The following MBNL1 variants were observed in gnomAD, a reference collection of about 807,000 sequenced individuals.
MBNL1 encodes the protein muscleblind-like protein 1.
MBNL1 carries 8 observed loss-of-function variants against 42.2 expected under a neutral mutation model. That is an observed-to-expected ratio of 0.19 (90% CI 0.11 to 0.34). The LOEUF (loss-of-function observed/expected upper bound fraction) is 0.34, where lower values mean the gene tolerates loss of function less well. Among genes scored for constraint, MBNL1 ranks in the 10% least tolerant of loss-of-function variants. The probability of loss-of-function intolerance (pLI) is 1.00; values close to 1 mark genes in which losing one functional copy is unlikely to be tolerated. For missense variants in MBNL1, 309 were observed against 495.3 expected (o/e 0.62, Z 3.57); for synonymous variants, 169 against 173.9 (o/e 0.97, Z 0.22).
At position 152,247,095 on chromosome 3, in the gene MBNL1, T is replaced by C. The variant is rs1239205739; in HGVS notation, n.333+2655T>C. Among the ~76,000 whole-genome samples, 3 of 152,164 alleles carry C rather than the reference T, an allele frequency of 2.0e-5. No homozygotes were observed. In the East Asian group the frequency reaches 5.8e-4, roughly 29 times the overall value. ...TGTTTAGCTGTTTTGTTTCCTCTTC[T>C]TTTGGCCATTTTCCCATTTGCAAGA... On this transcript the variant is annotated intron_variant and non_coding_transcript_variant, in intron 2 of 2. Coordinates refer to the MBNL1 transcript ENST00000477171.
At chr3:152,247,519 TA>T (rs1238766480) in intron 2 of MBNL1, among the ~76,000 whole-genome samples, 1 of 151,892 alleles carries the variant, frequency 6.6e-6, no homozygotes, top group Non-Finnish European at 1.5e-5. Flanking sequence ...TACTTCCATT[TA>T]AAAAAATAAA....
intron 2 of MBNL1, among the ~76,000 whole-genome samples, chr3:152,342,553 A>AAACACAC (rs375205126): frequency 6.2e-5 from 9 of 146,110 alleles, no homozygotes; most frequent in African/African-American, 2.1e-4. Context: ...AACTAAACAA[A>AAACACAC]ACACACACAC....
At chr3:152,312,812 C>G (rs1434106234) in intron 2 of MBNL1, among the ~76,000 whole-genome samples, 1 of 152,062 alleles carries the variant, frequency 6.6e-6, no homozygotes, top group Non-Finnish European at 1.5e-5. Flanking sequence ...TTGGTATTTT[C>G]TGAGTGTCTA....
At chr3:152,390,162 A>T (rs114526377) in intron 2 of MBNL1, among the ~76,000 whole-genome samples, 1 of 151,908 alleles carries the variant, frequency 6.6e-6, no homozygotes, top group African/African-American at 2.4e-5. Context: ...TAAAAAAAAA[A>T]AAACTTACTG....
chr3:152,364,685 G>A (rs1316190498), intron 2 of MBNL1, among the ~76,000 whole-genome samples: 4 of 151,906 alleles, frequency 2.6e-5, no homozygotes, highest in African/African-American at 9.7e-5. Flanking sequence ...TTACTAACAT[G>A]TTGTAGCTTC....
intron 2 of MBNL1, among the ~76,000 whole-genome samples, chr3:152,300,594 C>T (rs1478788548): frequency 3.3e-5 from 5 of 151,520 alleles, no homozygotes; most frequent in Admixed American, 2.6e-4. Flanking sequence ...TTTTTTTTTG[C>T]TAGGGCAGAA....
chr3:152,383,876 G>A (rs2097293446), intron 2 of MBNL1, among the ~76,000 whole-genome samples: 1 of 151,914 alleles, frequency 6.6e-6, no homozygotes, highest in Admixed American at 6.6e-5. Flanking sequence ...TCAAATCCCT[G>A]TTCTATGTAA....
intron 2 of MBNL1, among the ~76,000 whole-genome samples, chr3:152,332,741 C>CGTGCGT (rs369059267): frequency 6.2e-5 from 5 of 80,128 alleles, no homozygotes; most frequent in Admixed American, 2.3e-4. Flanking sequence ...TGTGTGTGTG[C>CGTGCGT]GCGCGCGCAT....
chr3:152,346,122 C>T (rs1192098703), intron 2 of MBNL1, among the ~76,000 whole-genome samples: 3 of 152,026 alleles, frequency 2.0e-5, no homozygotes, highest in Admixed American at 1.3e-4. Flanking sequence ...TGCCAGAGGT[C>T]GGATTCATGT....
Position 152,334,989 on chromosome 3 carries a change from A to G in MBNL1, c.174+34622A>G. The stretch of plus-strand genomic sequence containing the variant: ...AGGTGTAAATAAGAATGCTTTGGCT[A>G]GCATCCTGCAAGGAGATGGGTCTAA... On this transcript the variant is annotated intron_variant, in intron 2 of 9. Transcript: ENST00000324210. The G allele has an allele frequency of 4.8e-6, 4 of 834,090 alleles. No individual in the cohort carries two copies. In the South Asian group the frequency reaches 5.4e-5, roughly 11 times the overall value. The allele number at this position is 834,090 out of a possible 1,614,324, so 51.7% of individuals were successfully genotyped here. A position where few individuals can be genotyped will look rare whatever the true frequency, so the allele number is the denominator to read the frequency against.
Position 152,465,088 on chromosome 3 carries a change from C to A in MBNL1, c.*2722C>A, listed in dbSNP as rs1749780814. 6.6e-6 allele frequency: 1 copy of A among 152,406 alleles called. No homozygotes were observed. Among genetic ancestry groups the A allele is most frequent in the Non-Finnish European group, 1.5e-5 (1 of 68,006 alleles). 9.4% of individuals were successfully genotyped at this position (152,406 alleles called of 1,614,324 possible). ...CATGACTGACAAAAACTCCATGGGG[C>A]CAAATCTGCCTGAAGATCATTACCA... On this transcript the variant is annotated 3_prime_UTR_variant, in exon 10 of 10. Coordinates refer to ENST00000324210, the MANE Select transcript of MBNL1 (RefSeq NM_021038.5).
intron 2 of MBNL1, among the ~76,000 whole-genome samples, chr3:152,256,537 A>G (rs2035468487): frequency 6.6e-6 from 1 of 152,172 alleles, no homozygotes; most frequent in Non-Finnish European, 1.5e-5. Context: ...AAGTAGACGT[A>G]AATTACTCTG....
At chr3:152,397,809 A>G (rs7432866) in intron 2 of MBNL1, among the ~76,000 whole-genome samples, 7 of 152,120 alleles carry the variant, frequency 4.6e-5, no homozygotes, top group African/African-American at 1.7e-4. Flanking sequence ...CCTTCCCCCC[A>G]CCATAAACCA....
rs565001242 is a variant in MBNL1 at position 152,311,353 on chromosome 3, G to A, written c.174+10986G>A. Among the ~76,000 whole-genome samples, 298 of 152,154 alleles carry A rather than the reference G, an allele frequency of 2.0e-3. 5 individuals carry two copies. Among genetic ancestry groups the A allele is most frequent in the Non-Finnish European group, 6.6e-4 (45 of 68,012 alleles). On this transcript the variant is annotated intron_variant, in intron 2 of 9. Coordinates refer to ENST00000324210, the MANE Select transcript of MBNL1 (RefSeq NM_021038.5). ...GCTGAGATTTTATTCATCTTACTAG[G>A]CATTTATTTATATTATATTGTTTCT...
At chr3:152,396,865 C>T (rs891706445) in intron 2 of MBNL1, among the ~76,000 whole-genome samples, 1 of 152,030 alleles carries the variant, frequency 6.6e-6, no homozygotes, top group African/African-American at 2.4e-5. Flanking sequence ...AAATGAAGTA[C>T]AAGAAATGGT....
At chr3:152,359,315 A>C (rs996929757) in intron 2 of MBNL1, among the ~76,000 whole-genome samples, 8 of 152,212 alleles carry the variant, frequency 5.3e-5, no homozygotes, top group African/African-American at 1.9e-4. Context: ...CATTTCTCAC[A>C]TAATTTTTAT....
At chr3:152,305,488 AT>A (rs397806926) in intron 2 of MBNL1, among the ~76,000 whole-genome samples, 2,305 of 144,250 alleles carry the variant, frequency 0.016, 19 homozygotes, top group African/African-American at 0.031. Flanking sequence ...GGAAATTTGA[AT>A]TTTTTTTTTT....
At chr3:152,433,201 A>G (rs1488519220) in intron 4 of MBNL1, among the ~76,000 whole-genome samples, 1 of 152,184 alleles carries the variant, frequency 6.6e-6, no homozygotes, top group African/African-American at 2.4e-5. Context: ...CCTCATCTTT[A>G]AAACGGCGCT....
intron 6 of MBNL1, among the ~76,000 whole-genome samples, chr3:152,452,339 A>G (rs780026194): frequency 4.6e-5 from 7 of 151,994 alleles, no homozygotes; most frequent in East Asian, 1.9e-4. Context: ...TGTGATCTCT[A>G]TCTCCCTGGG....
Sources: gnomAD v4.1 joint callset for allele counts (sites outside exome capture counted in the v4.1 genomes callset) on GRCh38, gnomAD v4.1.1 for gene constraint, MANE v1.5 for transcripts, NCBI Gene and HGNC (gene_info 2026-07-23, HGNC 2026-07-21) for gene names.